Variants in CCDC171 observed in about 807,000 individuals in gnomAD.
The protein encoded by CCDC171 is coiled-coil domain-containing protein 171.
CCDC171 carries 177 observed loss-of-function variants against 168.2 expected under a neutral mutation model. The observed-to-expected ratio is 1.05, with a 90% CI of 0.93 to 1.19. The LOEUF is 1.19. Among genes scored for constraint, CCDC171 ranks in the 50% most tolerant of loss-of-function variants. The pLI is 0.00. For synonymous variants in CCDC171, 687 were observed against 540.8 expected (o/e 1.27, Z -3.75); for missense variants, 1,991 against 1,539.0 (o/e 1.29, Z -4.91).
chr9:15,948,170 G>T (rs1464741288), intron 25 of CCDC171, among the ~76,000 whole-genome samples: 1 of 151,264 alleles, frequency 6.6e-6, no homozygotes, highest in Non-Finnish European at 1.5e-5. Context: ...ATTTTTTATG[G>T]CTGCATAGTA....
In CCDC171 at chr9:15,761,729, G is replaced by A. The variant is rs552599662; in HGVS notation, c.2672-15871G>A. Among the ~76,000 whole-genome samples the A allele has an allele frequency of 7.2e-5, 11 of 152,212 alleles. No homozygotes were observed. The South Asian group carries it at 1.9e-3, about 26-fold the overall frequency. ...AACAAGCACAATCTGACTGAGTATCGTTTCTGGTGCTTCAGCTGCTAGTCT... is the reference window on the plus strand; with the variant it reads ...AACAAGCACAATCTGACTGAGTATCATTTCTGGTGCTTCAGCTGCTAGTCT... On this transcript the variant is annotated intron_variant, in intron 18 of 25. Transcript: ENST00000380701.
chr9:16,018,500 C>T (rs1202679260), intron 3 of CCDC171, among the ~76,000 whole-genome samples: 1 of 152,098 alleles, frequency 6.6e-6, no homozygotes, highest in African/African-American at 2.4e-5. Flanking sequence ...AAAATTGGAC[C>T]TTATTCATTT....
At chr9:15,868,636 TGC>T (rs1480686139) in intron 23 of CCDC171, among the ~76,000 whole-genome samples, 1 of 152,004 alleles carries the variant, frequency 6.6e-6, no homozygotes, top group African/African-American at 2.4e-5. Flanking sequence ...TTGCTAAGAT[TGC>T]CAGACAATAG....
intron 25 of CCDC171, among the ~76,000 whole-genome samples, chr9:15,941,520 A>T (rs1827730526): frequency 6.6e-6 from 1 of 151,940 alleles, no homozygotes; most frequent in African/African-American, 2.4e-5. Context: ...TAATTAGGGA[A>T]ATTTACCTCA....
chr9:15,917,098 C>T (rs1412534248), intron 24 of CCDC171, among the ~76,000 whole-genome samples: 2 of 151,942 alleles, frequency 1.3e-5, no homozygotes, highest in Non-Finnish European at 2.9e-5. Flanking sequence ...CTTCTGCCAA[C>T]TTGACACCTT....
intron 24 of CCDC171, chr9:15,886,136 T>A (rs1251604023): frequency 6.6e-6 from 1 of 151,940 alleles, no homozygotes; most frequent in East Asian, 1.9e-4. Context: ...CAAAATGGAG[T>A]ACACAATGTT....
chr9:15,783,696 C>T (rs956953988), intron 20 of CCDC171, among the ~76,000 whole-genome samples: 4 of 152,140 alleles, frequency 2.6e-5, no homozygotes, highest in African/African-American at 4.8e-5. Flanking sequence ...GCTTGTCTTG[C>T]CTTGGATTCT....
chr9:15,767,528 T>C (rs77503712), intron 18 of CCDC171, among the ~76,000 whole-genome samples: 2,186 of 152,238 alleles, frequency 0.014, 54 homozygotes, highest in African/African-American at 0.049. Context: ...TTCTCTCTCG[T>C]TGTGTAACAT....
At chr9:15,952,689 G>A (rs985154388) in intron 25 of CCDC171, among the ~76,000 whole-genome samples, 4 of 152,024 alleles carry the variant, frequency 2.6e-5, no homozygotes, top group African/African-American at 4.8e-5. Context: ...GAGCCACCGC[G>A]CGCGGCCAGA....
At position 15,701,460 on chromosome 9, in the gene CCDC171, T is replaced by C. The variant is rs535989742; in HGVS notation, c.1318+6123T>C. The stretch of plus-strand genomic sequence containing the variant: ...ACTTTCATTCTTCTACATATGGATA[T>C]AATTTCTTAAGATGACAGTGATGAA... On this transcript the variant is annotated intron_variant, in intron 11 of 25. Transcript: ENST00000380701. Among the ~76,000 whole-genome samples, 249 of 152,316 alleles carry C rather than the reference T, an allele frequency of 1.6e-3. 1 individual carries two copies. The highest frequency in any genetic ancestry group is 5.5e-3 in the African/African-American group (228 of 41,576).
At chr9:15,840,678 C>T (rs1354534455) in intron 21 of CCDC171, among the ~76,000 whole-genome samples, 1 of 152,092 alleles carries the variant, frequency 6.6e-6, no homozygotes, top group African/African-American at 2.4e-5. Flanking sequence ...GCTTACATGT[C>T]GTGTGTCACA....
At chr9:15,667,951 C>G (rs763323472) in intron 9 of CCDC171, among the ~76,000 whole-genome samples, 1 of 152,138 alleles carries the variant, frequency 6.6e-6, no homozygotes, top group Non-Finnish European at 1.5e-5. Flanking sequence ...TGAATGCATA[C>G]ATTTAATACA....
chr9:15,892,498 G>A (rs2131514767), intron 24 of CCDC171, among the ~76,000 whole-genome samples: 1 of 152,224 alleles, frequency 6.6e-6, no homozygotes, highest in East Asian at 1.9e-4. Flanking sequence ...TTTATGTGAT[G>A]AATCACGTTT....
intron 23 of CCDC171, among the ~76,000 whole-genome samples, chr9:15,863,043 T>G (rs988340406): frequency 5.6e-5 from 8 of 142,938 alleles, no homozygotes; most frequent in African/African-American, 2.0e-4. Context: ...ACCACCACCC[T>G]TTTTCTCAAA....
chr9:16,101,889 G>A, the CCDC171 span, among the ~76,000 whole-genome samples: 1 of 152,204 alleles, frequency 6.6e-6, no homozygotes, highest in Admixed American at 6.5e-5. Flanking sequence ...TGGCAGGCCT[G>A]GCCAACACCT....
At chr9:15,896,926 A>T in intron 24 of CCDC171, among the ~76,000 whole-genome samples, 1 of 152,086 alleles carries the variant, frequency 6.6e-6, no homozygotes, top group Non-Finnish European at 1.5e-5. Context: ...GGTTCACTAA[A>T]ATCCTAGTTT....
intron 21 of CCDC171, among the ~76,000 whole-genome samples, chr9:15,814,834 A>G (rs778319041): frequency 6.6e-6 from 1 of 152,180 alleles, no homozygotes; most frequent in Non-Finnish European, 1.5e-5. Context: ...TCTACTATGT[A>G]AAAAGTGTAG....
chr9:15,851,945 G>A (rs2061146435), intron 23 of CCDC171, among the ~76,000 whole-genome samples: 1 of 151,764 alleles, frequency 6.6e-6, no homozygotes, highest in Admixed American at 6.6e-5. Flanking sequence ...ATATGCCATT[G>A]TATAGTTATA....
chr9:15,983,198 C>G (rs892964329), intron 3 of CCDC171, among the ~76,000 whole-genome samples: 1 of 152,026 alleles, frequency 6.6e-6, no homozygotes, highest in Admixed American at 6.6e-5. Context: ...AAATACTGAA[C>G]ATTTTTTAAG....
Sources: allele counts gnomAD v4.1 joint callset (sites outside exome capture counted in the v4.1 genomes callset), GRCh38; gene constraint gnomAD v4.1.1; transcripts MANE v1.5; gene names NCBI Gene and HGNC (gene_info 2026-07-23, HGNC 2026-07-21).